Variants in PLEKHM1 observed in about 807,000 individuals in gnomAD.
PLEKHM1 encodes the protein pleckstrin homology and RUN domain containing M1.
A neutral mutation model predicts 94.3 loss-of-function variants in PLEKHM1; 28 were observed. The observed-to-expected ratio is 0.30, with a 90% CI of 0.22 to 0.41. The LOEUF is 0.41. PLEKHM1 is among the 10% of genes least tolerant of loss of function. The probability of loss-of-function intolerance (pLI) is 1.00; values close to 1 mark genes in which losing one functional copy is unlikely to be tolerated. For missense variants in PLEKHM1, 907 were observed against 1,358.6 expected (o/e 0.67, Z 5.22); for synonymous variants, 424 against 581.2 (o/e 0.73, Z 3.89).
chr17:45,456,447 C>T (rs2050950011), intron 6 of PLEKHM1: 1 of 152,258 alleles, frequency 6.6e-6, no homozygotes, highest in African/African-American at 2.4e-5. Flanking sequence ...TGACAACAAC[C>T]AGGGTGTCCA....
At chr17:45,472,886 G>C (rs188793500) in intron 4 of PLEKHM1, among the ~76,000 whole-genome samples, 1 of 152,274 alleles carries the variant, frequency 6.6e-6, no homozygotes, top group Non-Finnish European at 1.5e-5. Context: ...ACCAAGGCGA[G>C]GGCACAGGGC....
At chr17:45,457,580 C>T (rs2051004256) in intron 6 of PLEKHM1, among the ~76,000 whole-genome samples, 1 of 150,894 alleles carries the variant, frequency 6.6e-6, no homozygotes, top group African/African-American at 2.4e-5. Context: ...AAAAAATTAG[C>T]CAGGTGTGGT....
At chr17:45,488,171 T>C (rs2052187761) in intron 1 of PLEKHM1, among the ~76,000 whole-genome samples, 2 of 152,094 alleles carry the variant, frequency 1.3e-5, no homozygotes, top group East Asian at 3.9e-4. Flanking sequence ...AATTGTGGAG[T>C]CAGTGAACAC....
intron 5 of PLEKHM1, among the ~76,000 whole-genome samples, chr17:45,461,419 G>A (rs528295525): frequency 1.1e-4 from 17 of 152,268 alleles, no homozygotes; most frequent in African/African-American, 4.1e-4. Context: ...TATTTTTGTT[G>A]TTGTTTTTGT....
At chr17:45,439,915 TA>T (rs1463283307) in intron 10 of PLEKHM1, 1 of 634,450 alleles carries the variant, frequency 1.6e-6, no homozygotes, top group African/African-American at 1.8e-5. Context: ...GGGAAAGGAG[TA>T]TTCCAAACTC....
intron 3 of PLEKHM1, 123 bp from the exon 4 acceptor site, chr17:45,475,849 T>C: frequency 9.1e-7 from 1 of 1,096,526 alleles, no homozygotes; most frequent in South Asian, 1.3e-5. Flanking sequence ...GAAAAAATAT[T>C]GGGTAATAGT....
intron 6 of PLEKHM1, among the ~76,000 whole-genome samples, chr17:45,455,537 G>C (rs1389964594): frequency 6.6e-6 from 1 of 152,042 alleles, no homozygotes; most frequent in African/African-American, 2.4e-5. Flanking sequence ...ATGAATTCCT[G>C]CTGCCAGCCT....
chr17:45,477,989 A>C lies in PLEKHM1; in HGVS notation c.207T>G (p.Ala69=). The change falls in exon 3 of 12, where the codon GCT becomes GCG. Residue 69 remains alanine (A), a synonymous_variant. Transcript: ENST00000430334. The stretch of plus-strand genomic sequence containing the variant: ...TTTTCTTCCTTTTTCCTCCGGCCTC[A>C]GCTCGGATGTGCTTGGCGTGCAGGC... The part of the protein sequence containing the change: ...IHGLHAKHIR[A]EAGGKRKKSA... The C allele has an allele frequency of 6.2e-7, 1 of 1,614,094 alleles. No individual in the cohort carries two copies. Among genetic ancestry groups the C allele is most frequent in the Non-Finnish European group, 8.5e-7 (1 of 1,179,948 alleles).
Position 45,475,255 on chromosome 17 carries a change from C to T in PLEKHM1, c.768G>A (p.Thr256=), listed in dbSNP as rs753881253. 64 of 1,613,800 alleles carry T rather than the reference C, an allele frequency of 4.0e-5. 1 individual carries two copies. Among genetic ancestry groups the T allele is most frequent in the South Asian group, 1.9e-4 (17 of 91,084 alleles). ...TGCAGGACAGCTGGGATGAACTGGC[C>T]GTGTCCAGGCTGAGGGAGGAGGCAG... The part of the protein sequence containing the change: ...KLTASSLSLD[T]ASSSQLSCSL... The change falls in exon 4 of 12, where the codon ACG becomes ACA. Residue 256 remains threonine, a synonymous_variant. Transcript: ENST00000430334.
At chr17:45,480,719 T>C (rs1200697039) in intron 2 of PLEKHM1, among the ~76,000 whole-genome samples, 1 of 152,242 alleles carries the variant, frequency 6.6e-6, no homozygotes, top group Non-Finnish European at 1.5e-5. Flanking sequence ...TCACTTAGCA[T>C]ATTTTCCATC....
At chr17:45,434,320 C>T (rs1271594551), downstream of PLEKHM1, 1 of 152,174 alleles carries the variant, frequency 6.6e-6, no homozygotes, top group Non-Finnish European at 1.5e-5. Flanking sequence ...CTTGGGAGTT[C>T]TGCCTTATCT....
chr17:45,474,157 T>C (rs62065403), intron 4 of PLEKHM1, among the ~76,000 whole-genome samples: 19,618 of 151,390 alleles, frequency 0.13, 1,588 homozygotes, highest in Middle Eastern at 0.21. Context: ...CCCGGGTTCA[T>C]GCCATTCTCC....
At chr17:45,481,671 T>C (rs956597100) in intron 2 of PLEKHM1, among the ~76,000 whole-genome samples, 12 of 87,792 alleles carry the variant, frequency 1.4e-4, no homozygotes, top group Non-Finnish European at 2.6e-4. Flanking sequence ...GGTGGGAGAG[T>C]GGGGGTGCAG....
In PLEKHM1 at chr17:45,458,401, C is replaced by T; in HGVS notation, c.1347G>A (p.Arg449=). The change falls in exon 6 of 12, where the codon CGG becomes CGA. Residue 449 remains arginine (R), a synonymous_variant. Transcript: ENST00000430334. ...TCTCCAGGGGTTGCTCCCGGGAAGG[C>T]CGGTAGAAGTCATCCTCTGAGATCC... ...KSWISEDDFY[R]PSREQPLESA... is the part of the protein sequence containing the mutation. The T allele has an allele frequency of 2.5e-6, 4 of 1,613,810 alleles. No homozygotes were observed. Among genetic ancestry groups the T allele is most frequent in the Non-Finnish European group, 3.4e-6 (4 of 1,179,688 alleles).
At chr17:45,486,439 G>A (rs943821934) in intron 1 of PLEKHM1, among the ~76,000 whole-genome samples, 13 of 147,966 alleles carry the variant, frequency 8.8e-5, no homozygotes, top group South Asian at 2.2e-4. Context: ...AAAATTAGCC[G>A]GGCGGGCACC....
At chr17:45,474,171 C>G (rs1046234898) in intron 4 of PLEKHM1, among the ~76,000 whole-genome samples, 1 of 151,808 alleles carries the variant, frequency 6.6e-6, no homozygotes, top group Admixed American at 6.6e-5. Flanking sequence ...ATTCTCCTGC[C>G]TCAGCCGCCC....
intron 1 of PLEKHM1, among the ~76,000 whole-genome samples, chr17:45,487,037 C>T (rs2052153032): frequency 2.6e-5 from 4 of 152,124 alleles, no homozygotes; most frequent in Admixed American, 2.0e-4. Context: ...GGTGTGGCTT[C>T]AAGGAGACCT....
In PLEKHM1 at chr17:45,461,770, C is replaced by T. The variant is rs373949869; in HGVS notation, c.1309-3331G>A. On this transcript the variant is annotated intron_variant, in intron 5 of 11. Transcript: ENST00000430334. ...GCAGCCAGGCCCTGCCCCTTCCCTT[C>T]GTTGTTCTCTTTTGAATCTGAAGCT... Among the ~76,000 whole-genome samples the T allele has an allele frequency of 4.6e-5, 7 of 152,252 alleles. No homozygotes were observed. In the East Asian group the frequency reaches 1.4e-3, roughly 29 times the overall value.
At chr17:45,478,186 A>G in intron 2 of PLEKHM1, 39 bp from the exon 3 acceptor site, 1 of 1,613,860 alleles carries the variant, frequency 6.2e-7, no homozygotes, top group Non-Finnish European at 8.5e-7. Flanking sequence ...TTTAGCGGAA[A>G]ATCCTATGGA....
Sources: gnomAD v4.1 joint callset for allele counts (sites outside exome capture counted in the v4.1 genomes callset) on GRCh38, gnomAD v4.1.1 for gene constraint, MANE v1.5 for transcripts, NCBI Gene and HGNC (gene_info 2026-07-23, HGNC 2026-07-21) for gene names.